The following SDK1 variants were observed in gnomAD, a reference collection of about 807,000 sequenced individuals.
SDK1 encodes protein sidekick-1.
In SDK1, 157 loss-of-function variants were observed where a neutral mutation model predicts 245.5. The ratio of observed to expected loss-of-function variants is 0.64; its 90% CI spans 0.56 to 0.73. The LOEUF is 0.73. Ranked by LOEUF, SDK1 falls within the 30% of genes least tolerant of loss-of-function variation. The pLI is 0.00. For missense variants in SDK1, 3,583 were observed against 3,002.3 expected, an observed-to-expected ratio of 1.19 and a Z score of -4.52; for synonymous variants, 1,647 against 1,278.5, an observed-to-expected ratio of 1.29 and a Z score of -6.15.
chr7:3,793,582 G>A (rs1778874146), intron 4 of SDK1, among the ~76,000 whole-genome samples: 3 of 152,108 alleles, frequency 2.0e-5, no homozygotes, highest in Admixed American at 2.0e-4. Flanking sequence ...TCCTTCTTGT[G>A]TCGATTCTAT....
At chr7:3,356,762 A>G (rs1325219950) in intron 1 of SDK1, among the ~76,000 whole-genome samples, 1 of 152,138 alleles carries the variant, frequency 6.6e-6, no homozygotes, top group African/African-American at 2.4e-5. Context: ...TGTACAAAAA[A>G]TACATCTTTC....
At chr7:3,326,252 C>T (rs545394263) in intron 1 of SDK1, among the ~76,000 whole-genome samples, 4 of 152,198 alleles carry the variant, frequency 2.6e-5, no homozygotes, top group Admixed American at 2.6e-4. Flanking sequence ...TTCTAGAAAT[C>T]TCTATGGTTA....
chr7:3,464,725 C>G (rs936909954), intron 1 of SDK1, among the ~76,000 whole-genome samples: 3 of 145,666 alleles, frequency 2.1e-5, no homozygotes, highest in South Asian at 2.1e-4. Context: ...TACACACACA[C>G]ACATATAAAG....
chr7:3,591,869 G>C (rs973775950), intron 1 of SDK1, among the ~76,000 whole-genome samples: 14 of 152,206 alleles, frequency 9.2e-5, no homozygotes, highest in Admixed American at 9.2e-4. Flanking sequence ...GAGTGCATAA[G>C]GATCAGATAC....
intron 19 of SDK1, among the ~76,000 whole-genome samples, chr7:4,052,127 A>T (rs1778893648): frequency 6.6e-6 from 1 of 151,432 alleles, no homozygotes; most frequent in South Asian, 2.1e-4. Flanking sequence ...CTTGCTCTTC[A>T]TGTAGAGTTC....
At position 4,265,335 on chromosome 7, in the gene SDK1, C is replaced by T. The variant is rs1337545729; in HGVS notation, c.6593C>T (p.Ala2198Val). The change falls in exon 45 of 45, where the codon GCT becomes GTT. Residue 2198 changes from alanine to valine, a missense_variant. Ala to Val is a moderately conservative substitution (Grantham distance 64). Coordinates refer to ENST00000404826, the MANE Select transcript of SDK1 (RefSeq NM_152744.4). Reference sequence around the variant, plus strand: ...AGCGCGGGCGGCGTCTACACCCCCGCTGGCCCCGGCGCGCGAACTCCGCTC... The same window carrying T: ...AGCGCGGGCGGCGTCTACACCCCCGTTGGCCCCGGCGCGCGAACTCCGCTC... ...TQSAGGVYTP[A>V]GPGARTPLTG... 7.4e-6 allele frequency: 11 copies of T among 1,476,562 alleles called. No individual in the cohort carries two copies. The highest frequency in any genetic ancestry group is 2.9e-5 in the African/African-American group (2 of 69,208). 91.5% of individuals were successfully genotyped at this position (1,476,562 alleles called of 1,614,324 possible). A position where few individuals can be genotyped will look rare whatever the true frequency, so the allele number is the denominator to read the frequency against.
intron 32 of SDK1, among the ~76,000 whole-genome samples, chr7:4,166,757 G>A (rs908431935): frequency 4.6e-5 from 7 of 152,206 alleles, no homozygotes; most frequent in African/African-American, 9.7e-5. Context: ...GCCTGAACTC[G>A]CAGGAGACAG....
intron 14 of SDK1, among the ~76,000 whole-genome samples, chr7:4,010,393 G>A (rs1386693980): frequency 6.6e-6 from 1 of 152,196 alleles, no homozygotes; most frequent in Non-Finnish European, 1.5e-5. Flanking sequence ...AAAGCTGGGT[G>A]GGAAGATATT....
At chr7:4,091,241 A>G (rs1471188093) in intron 22 of SDK1, among the ~76,000 whole-genome samples, 5 of 151,486 alleles carry the variant, frequency 3.3e-5, no homozygotes, top group Admixed American at 6.6e-5. Flanking sequence ...TCACTTTTCT[A>G]TATCTACAAA....
chr7:3,639,273 G>A (rs1462076974), intron 3 of SDK1, among the ~76,000 whole-genome samples, 163 bp downstream of exon 3: 5 of 152,168 alleles, frequency 3.3e-5, no homozygotes, highest in Non-Finnish European at 7.3e-5. Context: ...AGCAGCCAGC[G>A]TGGCTGGCCA....
intron 1 of SDK1, among the ~76,000 whole-genome samples, chr7:3,465,225 G>T (rs944891084): frequency 5.3e-5 from 8 of 152,124 alleles, no homozygotes; most frequent in African/African-American, 1.9e-4. Context: ...TGGATTCTGG[G>T]CTCAAGCAGA....
At chr7:3,320,146 C>T (rs1374380953) in intron 1 of SDK1, among the ~76,000 whole-genome samples, 4 of 151,972 alleles carry the variant, frequency 2.6e-5, no homozygotes, top group Non-Finnish European at 4.4e-5. Context: ...GTTTCACACA[C>T]GCACTCCCCT....
At chr7:3,602,519 G>T (rs1036396041) in intron 1 of SDK1, among the ~76,000 whole-genome samples, 1 of 151,966 alleles carries the variant, frequency 6.6e-6, no homozygotes, top group African/African-American at 2.4e-5. Context: ...TTTTTGATGG[G>T]GTTGTTTGTT....
intron 16 of SDK1, among the ~76,000 whole-genome samples, chr7:4,015,952 A>T (rs1180941302): frequency 6.6e-6 from 1 of 152,312 alleles, no homozygotes; most frequent in East Asian, 1.9e-4. Context: ...TTGTGTGACC[A>T]TTTCTCGATT....
chr7:3,911,593 A>G (rs1452863647), intron 5 of SDK1, among the ~76,000 whole-genome samples: 1 of 152,162 alleles, frequency 6.6e-6, no homozygotes, highest in Non-Finnish European at 1.5e-5. Context: ...TCTTAATGCT[A>G]TGACCTTGGG....
intron 1 of SDK1, among the ~76,000 whole-genome samples, chr7:3,550,409 T>C (rs1282594685): frequency 6.6e-6 from 1 of 152,216 alleles, no homozygotes; most frequent in Non-Finnish European, 1.5e-5. Flanking sequence ...ACTATGTGTA[T>C]TAGACAAGTT....
At chr7:3,310,400 G>A (rs1779522217) in intron 1 of SDK1, among the ~76,000 whole-genome samples, 1 of 152,222 alleles carries the variant, frequency 6.6e-6, no homozygotes, top group Non-Finnish European at 1.5e-5. Context: ...ATTGAGGTGA[G>A]AGAAAGTAGC....
intron 22 of SDK1, among the ~76,000 whole-genome samples, chr7:4,084,704 ATGTT>A (rs1562786783): frequency 7.3e-6 from 1 of 136,568 alleles, no homozygotes. Context: ...ATGTTATGTT[ATGTT>A]ATGTTATGTT....
Position 3,679,818 on chromosome 7 carries a change from A to G in SDK1, c.713+37713A>G, listed in dbSNP as rs559104392. ...ATTGCTAGCTGCTGTGTAAACTGGC[A>G]TATAGCCACTCTGAGAAACAGTGTG... is the stretch of plus-strand genomic sequence containing the variant. On this transcript the variant is annotated intron_variant, in intron 4 of 44. Coordinates refer to ENST00000404826, the MANE Select transcript of SDK1 (RefSeq NM_152744.4). Among the ~76,000 whole-genome samples the G allele has an allele frequency of 3.9e-5, 6 of 152,358 alleles. No individual in the cohort carries two copies. In the East Asian group the frequency reaches 1.2e-3, roughly 29 times the overall value.
Sources: gnomAD v4.1 joint callset for allele counts (sites outside exome capture counted in the v4.1 genomes callset) on GRCh38, gnomAD v4.1.1 for gene constraint, MANE v1.5 for transcripts, NCBI Gene and HGNC (gene_info 2026-07-23, HGNC 2026-07-21) for gene names.